The following PRR16 variants were observed in gnomAD, a reference collection of about 807,000 sequenced individuals.
PRR16 encodes the protein proline rich 16, also known as protein Largen.
Under a neutral mutation model 18.2 loss-of-function variants are expected in PRR16, and 6 were observed. The ratio of observed to expected loss-of-function variants is 0.33; its 90% CI spans 0.18 to 0.65. The LOEUF is 0.65. Among genes scored for constraint, PRR16 ranks in the 30% least tolerant of loss-of-function variants. The probability of loss-of-function intolerance (pLI) is 0.74; values close to 1 mark genes in which losing one functional copy is unlikely to be tolerated. For missense variants in PRR16, 412 were observed against 376.6 expected (o/e 1.09, Z -0.78); for synonymous variants, 151 against 147.8 (o/e 1.02, Z -0.16).
chr5:120,698,136 G>A, the PRR16 span, among the ~76,000 whole-genome samples: 5 of 152,112 alleles, frequency 3.3e-5, no homozygotes, highest in Admixed American at 1.3e-4. Context: ...ACAGAGAATG[G>A]CCGATGTTTC....
chr5:120,741,662 C>T, the PRR16 span, among the ~76,000 whole-genome samples: 1 of 152,106 alleles, frequency 6.6e-6, no homozygotes. Context: ...AGTACACTGG[C>T]CCGATCACGG....
chr5:120,676,827 C>T (rs1756815216), intron 1 of PRR16, among the ~76,000 whole-genome samples: 1 of 152,064 alleles, frequency 6.6e-6, no homozygotes. Flanking sequence ...TGGAAAAAAG[C>T]ATTTAGTGAA....
chr5:120,775,796 ATTTTTTTTTTT>A, the PRR16 span, among the ~76,000 whole-genome samples: 3 of 80,612 alleles, frequency 3.7e-5, no homozygotes, highest in East Asian at 3.3e-4. Context: ...ACGCCTGGCT[ATTTTTTTTTTT>A]TTTTTTTTTT....
intron 1 of PRR16, among the ~76,000 whole-genome samples, chr5:120,517,314 C>T (rs1481728483): frequency 1.1e-4 from 16 of 152,110 alleles, no homozygotes; most frequent in Non-Finnish European, 7.4e-5. Context: ...GAACATTACA[C>T]TTGAAGCAGA....
chr5:120,607,094 T>A (rs1754179206), intron 1 of PRR16, among the ~76,000 whole-genome samples: 1 of 151,936 alleles, frequency 6.6e-6, no homozygotes, highest in Non-Finnish European at 1.5e-5. Context: ...ATCAGTGAAT[T>A]TTTTTTTGTA....
At chr5:120,706,783 T>C in the PRR16 span, among the ~76,000 whole-genome samples, 2 of 152,146 alleles carry the variant, frequency 1.3e-5, no homozygotes, top group Non-Finnish European at 2.9e-5. Context: ...ATTAGTTCAA[T>C]AAGGAGAAAG....
chr5:120,540,041 T>A (rs1202207535), intron 1 of PRR16, among the ~76,000 whole-genome samples: 1 of 152,198 alleles, frequency 6.6e-6, no homozygotes. Flanking sequence ...TGCCACGTTT[T>A]GAGTTTATTT....
chr5:120,683,961 A>C (rs1367737187), intron 1 of PRR16, among the ~76,000 whole-genome samples: 1 of 152,144 alleles, frequency 6.6e-6, no homozygotes, highest in Non-Finnish European at 1.5e-5. Flanking sequence ...AGACTACTGA[A>C]ATGAAAAAAA....
chr5:120,755,179 TTAGAG>T, the PRR16 span, among the ~76,000 whole-genome samples: 1 of 151,530 alleles, frequency 6.6e-6, no homozygotes, highest in African/African-American at 2.4e-5. Flanking sequence ...ACCCTAAAAC[TTAGAG>T]TATAATAATA....
chr5:120,777,618 C>G, the PRR16 span, among the ~76,000 whole-genome samples: 1 of 151,542 alleles, frequency 6.6e-6, no homozygotes, highest in Non-Finnish European at 1.5e-5. Context: ...AATCTGAGAA[C>G]CATAAAATTT....
chr5:120,756,802 G>A, the PRR16 span, among the ~76,000 whole-genome samples: 1 of 151,880 alleles, frequency 6.6e-6, no homozygotes, highest in East Asian at 1.9e-4. Flanking sequence ...AGTTTAATTA[G>A]GTCCTACTTG....
chr5:120,566,058 A>G (rs143361661), intron 1 of PRR16, among the ~76,000 whole-genome samples: 1 of 152,316 alleles, frequency 6.6e-6, no homozygotes, highest in East Asian at 1.9e-4. Flanking sequence ...TTGCAGCAAT[A>G]TTAAGTTAGA....
At chr5:120,628,812 G>A (rs1754962337) in intron 1 of PRR16, among the ~76,000 whole-genome samples, 2 of 151,772 alleles carry the variant, frequency 1.3e-5, no homozygotes, top group Admixed American at 1.3e-4. Flanking sequence ...GAGTTTAGTT[G>A]TTGAATTTCC....
chr5:120,541,288 G>A (rs954699334), intron 1 of PRR16, among the ~76,000 whole-genome samples: 3 of 152,118 alleles, frequency 2.0e-5, no homozygotes, highest in African/African-American at 7.2e-5. Flanking sequence ...TGGGATTACA[G>A]GCACATGCCA....
chr5:120,637,271 A>G (rs1755259531), intron 1 of PRR16, among the ~76,000 whole-genome samples: 1 of 139,202 alleles, frequency 7.2e-6, no homozygotes, highest in Non-Finnish European at 1.5e-5. Context: ...TGATTCAGCA[A>G]TCCTGCTACT....
At chr5:120,717,957 T>A in the PRR16 span, among the ~76,000 whole-genome samples, 1 of 152,182 alleles carries the variant, frequency 6.6e-6, no homozygotes, top group Non-Finnish European at 1.5e-5. Context: ...AGCAGCAATT[T>A]AATATTCTGC....
chr5:120,730,671 A>C, the PRR16 span, among the ~76,000 whole-genome samples: 2 of 152,160 alleles, frequency 1.3e-5, no homozygotes, highest in Non-Finnish European at 2.9e-5. Context: ...TTGATTAACT[A>C]ACTTAAGGTA....
intron 1 of PRR16, among the ~76,000 whole-genome samples, chr5:120,499,022 A>T (rs1046703777): frequency 6.0e-5 from 9 of 150,502 alleles, no homozygotes; most frequent in African/African-American, 2.2e-4. Context: ...GATTTATCCT[A>T]TTTGGGGTTT....
intron 1 of PRR16, among the ~76,000 whole-genome samples, chr5:120,552,376 T>G (rs183992938): frequency 8.6e-4 from 130 of 151,850 alleles, no homozygotes; most frequent in Non-Finnish European, 1.5e-3. Flanking sequence ...TAACTATAAA[T>G]GGAGTCAAAA....
Sources: allele counts gnomAD v4.1 joint callset (sites outside exome capture counted in the v4.1 genomes callset), GRCh38; gene constraint gnomAD v4.1.1; transcripts MANE v1.5; gene names NCBI Gene and HGNC (gene_info 2026-07-23, HGNC 2026-07-21).